Variants in MAML3 observed in about 807,000 individuals in gnomAD.
MAML3 encodes mastermind-like protein 3.
MAML3 carries 27 observed loss-of-function variants against 101.9 expected under a neutral mutation model. The observed-to-expected ratio is 0.27, with a 90% CI of 0.20 to 0.37. MAML3 has a LOEUF of 0.37. Ranked by LOEUF, MAML3 falls within the 10% of genes least tolerant of loss-of-function variation. The pLI is 1.00. For synonymous variants in MAML3, 501 were observed against 555.9 expected, an observed-to-expected ratio of 0.90 and a Z score of 1.39; for missense variants, 1,316 against 1,444.9, an observed-to-expected ratio of 0.91 and a Z score of 1.45.
chr4:139,958,869 C>T (rs942060396), intron 1 of MAML3, among the ~76,000 whole-genome samples: 3 of 152,208 alleles, frequency 2.0e-5, no homozygotes, highest in East Asian at 1.9e-4. Context: ...CTAATTACTT[C>T]GTAGAGCTTG....
At chr4:140,060,852 C>G (rs115272614) in intron 1 of MAML3, among the ~76,000 whole-genome samples, 2,639 of 152,090 alleles carry the variant, frequency 0.017, 61 homozygotes, top group African/African-American at 0.059. Context: ...TCAGCGTGAC[C>G]ACATATAATA....
chr4:139,719,219 A>G lies in MAML3; in HGVS notation c.*104T>C. ...AGCCAGCTGCAGTTTTGCTCAGTTT[A>G]CGTGGGTCAAAAAAACAAAAAACAA... On this transcript the variant is annotated 3_prime_UTR_variant, in exon 5 of 5. Transcript: ENST00000509479. 7.3e-7 allele frequency: 1 copy of G among 1,363,108 alleles called. No individual in the cohort carries two copies. The highest frequency in any genetic ancestry group is 9.8e-7 in the Non-Finnish European group (1 of 1,022,006). The allele number at this position is 1,363,108 out of a possible 1,614,324, so 84.4% of individuals were successfully genotyped here.
At chr4:139,848,769 T>G (rs11100308) in intron 2 of MAML3, among the ~76,000 whole-genome samples, 44,316 of 152,044 alleles carry the variant, frequency 0.29, 7,412 homozygotes, top group East Asian at 0.68. Context: ...GAAGTAAGAT[T>G]GTTTTCCCTC....
intron 1 of MAML3, among the ~76,000 whole-genome samples, chr4:140,146,432 A>T (rs1362550876): frequency 6.6e-6 from 1 of 152,226 alleles, no homozygotes; most frequent in Non-Finnish European, 1.5e-5. Context: ...TTTATTATAC[A>T]GCAGGCCCTC....
chr4:139,833,321 C>A (rs922320168), intron 2 of MAML3, among the ~76,000 whole-genome samples: 1 of 152,202 alleles, frequency 6.6e-6, no homozygotes, highest in African/African-American at 2.4e-5. Context: ...ACGCGGTGCT[C>A]GGCGGCAAAC....
At chr4:140,144,959 TAACA>T (rs781578720) in intron 1 of MAML3, among the ~76,000 whole-genome samples, 16 of 152,314 alleles carry the variant, frequency 1.1e-4, no homozygotes, top group South Asian at 2.1e-4. Flanking sequence ...TTTCAGCATC[TAACA>T]AACAAAGAAA....
chr4:140,019,697 G>A (rs994732127), intron 1 of MAML3, among the ~76,000 whole-genome samples: 3 of 152,180 alleles, frequency 2.0e-5, no homozygotes, highest in African/African-American at 7.2e-5. Flanking sequence ...GGTGTCTCCT[G>A]AGAGCTACTC....
chr4:140,019,237 T>C (rs1726695514), intron 1 of MAML3, among the ~76,000 whole-genome samples: 1 of 152,192 alleles, frequency 6.6e-6, no homozygotes, highest in South Asian at 2.1e-4. Flanking sequence ...CTAATAAATC[T>C]TTGGGCTTCA....
In MAML3 at chr4:140,006,585, C is replaced by CAAAAAAAAA. The variant is rs34273207; in HGVS notation, c.469-115627_469-115619dup. On this transcript the variant is annotated intron_variant, in intron 1 of 4. Coordinates refer to ENST00000509479, the MANE Select transcript of MAML3 (RefSeq NM_018717.5). ...TGGGTGACAGAGCGAAACTCTGTCTCAAAAAAAAAAAAAAAAAAGTGAAAA... is the reference window on the plus strand; with the variant it reads ...TGGGTGACAGAGCGAAACTCTGTCTCAAAAAAAAAAAAAAAAAAAAAAAAAAAGTGAAAA... Among the ~76,000 whole-genome samples the CAAAAAAAAA allele has an allele frequency of 3.9e-4, 36 of 93,294 alleles. 3 individuals carry two copies. The highest frequency in any genetic ancestry group is 3.9e-4 in the South Asian group (1 of 2,586). The allele number at this position is 93,294 out of a possible 152,430, so 61.2% of individuals were successfully genotyped here. A position where few individuals can be genotyped will look rare whatever the true frequency, so the allele number is the denominator to read the frequency against.
At chr4:139,761,813 G>C (rs1057304567) in intron 2 of MAML3, among the ~76,000 whole-genome samples, 6 of 152,226 alleles carry the variant, frequency 3.9e-5, no homozygotes, top group Admixed American at 2.6e-4. Context: ...CAGCCTGGCT[G>C]GGTCAAGGGG....
chr4:139,885,767 CAAAA>C (rs372757658), intron 2 of MAML3, among the ~76,000 whole-genome samples: 1 of 131,664 alleles, frequency 7.6e-6, no homozygotes, highest in African/African-American at 2.9e-5. Context: ...ACTAAACATA[CAAAA>C]AAAAAAAAAA....
chr4:139,872,702 T>A (rs1732037871), intron 2 of MAML3, among the ~76,000 whole-genome samples: 1 of 152,086 alleles, frequency 6.6e-6, no homozygotes, highest in African/African-American at 2.4e-5. Flanking sequence ...GATAAGTGTC[T>A]TAAAATGAAA....
intron 2 of MAML3, among the ~76,000 whole-genome samples, chr4:139,878,975 C>T (rs1190981386): frequency 6.6e-6 from 1 of 152,128 alleles, no homozygotes; most frequent in East Asian, 1.9e-4. Flanking sequence ...AAATGAATAA[C>T]AAACCCTCTC....
chr4:139,872,211 T>A (rs189547442), intron 2 of MAML3, among the ~76,000 whole-genome samples: 6,690 of 152,232 alleles, frequency 0.044, 199 homozygotes, highest in African/African-American at 0.089. Context: ...GTTATTATTT[T>A]AAAAAAAATT....
rs116750697 is a variant in MAML3 at position 139,981,313 on chromosome 4, T to C, written c.469-90346A>G. 6.4e-3 allele frequency among the ~76,000 whole-genome samples: 979 copies of C among 152,346 alleles called. 13 individuals carry two copies. The highest frequency in any genetic ancestry group is 0.022 in the African/African-American group (933 of 41,580). On this transcript the variant is annotated intron_variant, in intron 1 of 4. Transcript: ENST00000509479. ...CTACCCCAATGGCCTCATTTTAACT[T>C]AATCACCTCTTTAAAGCCCTTATAT...
intron 1 of MAML3, among the ~76,000 whole-genome samples, chr4:140,020,708 G>A (rs1016544095): frequency 2.0e-5 from 3 of 152,112 alleles, no homozygotes; most frequent in Non-Finnish European, 4.4e-5. Flanking sequence ...AAAGAAGGGT[G>A]AAGAGTCTTA....
At chr4:139,911,454 G>A (rs1732917923) in intron 1 of MAML3, among the ~76,000 whole-genome samples, 1 of 152,138 alleles carries the variant, frequency 6.6e-6, no homozygotes, top group African/African-American at 2.4e-5. Flanking sequence ...CTGAGCTCAG[G>A]CAATCTGCCC....
chr4:139,815,551 C>T (rs1429072762), intron 2 of MAML3, among the ~76,000 whole-genome samples: 4 of 152,138 alleles, frequency 2.6e-5, no homozygotes, highest in African/African-American at 9.7e-5. Flanking sequence ...CAAATCTGGG[C>T]TCCAAAAGCC....
At chr4:140,020,420 T>C (rs1726713325) in intron 1 of MAML3, among the ~76,000 whole-genome samples, 1 of 152,042 alleles carries the variant, frequency 6.6e-6, no homozygotes, top group African/African-American at 2.4e-5. Flanking sequence ...ATTTTTTTTT[T>C]TGTTTGTGCA....
Sources: gnomAD v4.1 joint callset for allele counts (sites outside exome capture counted in the v4.1 genomes callset) on GRCh38, gnomAD v4.1.1 for gene constraint, MANE v1.5 for transcripts, NCBI Gene and HGNC (gene_info 2026-07-23, HGNC 2026-07-21) for gene names.